The following ZRANB3 variants were observed in gnomAD, a reference collection of about 807,000 sequenced individuals.
ZRANB3 encodes the protein zinc finger RANBP2-type containing 3, also known as DNA annealing helicase and endonuclease ZRANB3.
A neutral mutation model predicts 133.8 loss-of-function variants in ZRANB3; 125 were observed. That is an observed-to-expected ratio of 0.93 (90% CI 0.81 to 1.08). The LOEUF is 1.08. Among genes scored for constraint, ZRANB3 ranks in the 50% least tolerant of loss-of-function variants. The probability of loss-of-function intolerance (pLI) is 0.00; values close to 1 mark genes in which losing one functional copy is unlikely to be tolerated. For missense variants in ZRANB3, 1,229 were observed against 1,275.5 expected (o/e 0.96, Z 0.56); for synonymous variants, 387 against 432.7 (o/e 0.89, Z 1.31).
At chr2:135,263,547 C>T (rs559493127) in intron 12 of ZRANB3, among the ~76,000 whole-genome samples, 8 of 152,212 alleles carry the variant, frequency 5.3e-5, no homozygotes, top group African/African-American at 1.2e-4. Flanking sequence ...GGAGTAAGTG[C>T]TCCTTAAAGA....
chr2:135,429,738 C>T (rs1431522541), intron 2 of ZRANB3, among the ~76,000 whole-genome samples: 1 of 151,934 alleles, frequency 6.6e-6, no homozygotes, highest in Non-Finnish European at 1.5e-5. Context: ...ATACGGGAAA[C>T]GGTAGAGAGA....
chr2:135,361,358 A>T (rs1685687167), intron 3 of ZRANB3, among the ~76,000 whole-genome samples: 1 of 152,218 alleles, frequency 6.6e-6, no homozygotes. Context: ...TAACCTCAAG[A>T]ACACATTTCA....
intron 19 of ZRANB3, among the ~76,000 whole-genome samples, chr2:135,207,199 A>AAAT (rs1693905739): frequency 6.6e-6 from 1 of 150,850 alleles, no homozygotes; most frequent in African/African-American, 2.4e-5. Flanking sequence ...AATAATAAAT[A>AAAT]AATAAATAAA....
intron 3 of ZRANB3, among the ~76,000 whole-genome samples, chr2:135,354,687 C>T (rs1350399646): frequency 1.3e-5 from 2 of 152,142 alleles, no homozygotes; most frequent in Non-Finnish European, 2.9e-5. Flanking sequence ...AATCTACATA[C>T]TCTATGATTC....
chr2:135,275,335 A>ACCTCCCTCCCAGATGGGGTGGCTGGCCG (rs1680754538), intron 9 of ZRANB3, among the ~76,000 whole-genome samples: 1 of 93,094 alleles, frequency 1.1e-5, no homozygotes, highest in African/African-American at 2.8e-5. Flanking sequence ...GTGGCTGGCC[A>ACCTCCCTCCCAGATGGGGTGGCTGGCCG]GGCGGGGGCT....
chr2:135,315,156 T>C (rs556178251), intron 7 of ZRANB3, among the ~76,000 whole-genome samples: 2 of 152,324 alleles, frequency 1.3e-5, no homozygotes, highest in South Asian at 2.1e-4. Context: ...TAGGTTACCA[T>C]ATCTTTTTAT....
chr2:135,376,328 T>C (rs1686427355), intron 3 of ZRANB3, among the ~76,000 whole-genome samples: 1 of 152,208 alleles, frequency 6.6e-6, no homozygotes, highest in Non-Finnish European at 1.5e-5. Flanking sequence ...ACTAGCACAC[T>C]ATATGATCTA....
At chr2:135,511,217 T>A (rs1693438236) in intron 1 of ZRANB3, 1 of 907,548 alleles carries the variant, frequency 1.1e-6, no homozygotes, top group African/African-American at 1.6e-5. Flanking sequence ...AGTCTTCCCA[T>A]ACTGTCTGAG....
intron 2 of ZRANB3, among the ~76,000 whole-genome samples, chr2:135,405,056 T>C (rs996853840): frequency 2.0e-5 from 3 of 152,184 alleles, no homozygotes; most frequent in Non-Finnish European, 4.4e-5. Context: ...CCCATCAGTG[T>C]GCTGTATTCA....
At chr2:135,431,170 T>C (rs1444216383) in intron 2 of ZRANB3, among the ~76,000 whole-genome samples, 1 of 151,124 alleles carries the variant, frequency 6.6e-6, no homozygotes, top group South Asian at 2.1e-4. Flanking sequence ...CACATACCTA[T>C]AATCCCAGCT....
At chr2:135,338,828 TAATA>T (rs1391012878) in intron 6 of ZRANB3, among the ~76,000 whole-genome samples, 14 of 152,264 alleles carry the variant, frequency 9.2e-5, no homozygotes, top group South Asian at 2.1e-4. Flanking sequence ...GTTGTGTATT[TAATA>T]AATATGTGAA....
In ZRANB3 at chr2:135,245,926, C is replaced by CAA. The variant is rs1177438717; in HGVS notation, c.1540-15001_1540-15000dup. Reference sequence around the variant, plus strand: ...GGGCAACGAGATTGAAACTCCGTCTCAAAAAAAAAAAAAAAAAAAAAAGAG... The same window carrying CAA: ...GGGCAACGAGATTGAAACTCCGTCTCAAAAAAAAAAAAAAAAAAAAAAAAGAG... On this transcript the variant is annotated intron_variant, in intron 12 of 20. Coordinates refer to ENST00000264159, the MANE Select transcript of ZRANB3 (RefSeq NM_032143.4). Among the ~76,000 whole-genome samples, 81 of 18,978 alleles carry CAA rather than the reference C, an allele frequency of 4.3e-3. 2 individuals carry two copies. Among genetic ancestry groups the CAA allele is most frequent in the Admixed American group, 5.8e-3 (6 of 1,034 alleles). The allele number at this position is 18,978 out of a possible 152,430, so 12.5% of individuals were successfully genotyped here.
At chr2:135,339,131 G>T (rs1377996230) in intron 6 of ZRANB3, among the ~76,000 whole-genome samples, 2 of 152,126 alleles carry the variant, frequency 1.3e-5, no homozygotes, top group African/African-American at 4.8e-5. Context: ...TTTTTTAATT[G>T]CCAGGTGTGG....
chr2:135,284,509 T>C (rs1037838860), intron 8 of ZRANB3, among the ~76,000 whole-genome samples: 9 of 152,230 alleles, frequency 5.9e-5, no homozygotes, highest in African/African-American at 2.2e-4. Flanking sequence ...TCTCGCTCTG[T>C]CGCCCAGGCT....
At chr2:135,203,612 CAAAAAAAAAAA>C (rs1051712787) in intron 19 of ZRANB3, among the ~76,000 whole-genome samples, 12 of 62,090 alleles carry the variant, frequency 1.9e-4, no homozygotes, top group African/African-American at 5.7e-4. Flanking sequence ...GACTCGGTCT[CAAAAAAAAAAA>C]AAAAAAAAAA....
intron 12 of ZRANB3, among the ~76,000 whole-genome samples, chr2:135,248,401 G>T (rs6430565): frequency 6.6e-6 from 1 of 152,006 alleles, no homozygotes; most frequent in East Asian, 1.9e-4. Context: ...CAACACCAAA[G>T]GCAGTCTTAA....
intron 12 of ZRANB3, among the ~76,000 whole-genome samples, chr2:135,244,107 C>CA (rs566334496): frequency 0.2 from 24,627 of 121,376 alleles, 2,808 homozygotes; most frequent in South Asian, 0.35. Flanking sequence ...ATTTCCCCAC[C>CA]AAAAAAAAAA....
chr2:135,444,441 G>A (rs915559042), intron 2 of ZRANB3, among the ~76,000 whole-genome samples: 5 of 151,880 alleles, frequency 3.3e-5, no homozygotes, highest in African/African-American at 1.2e-4. Context: ...CAATAAGAAG[G>A]AACAAACTAC....
intron 6 of ZRANB3, among the ~76,000 whole-genome samples, chr2:135,340,530 A>G (rs970774497): frequency 4.6e-5 from 7 of 152,140 alleles, no homozygotes; most frequent in South Asian, 4.1e-4. Context: ...TGAATATATT[A>G]TATCTACCTA....
Sources: gnomAD v4.1 joint callset for allele counts (sites outside exome capture counted in the v4.1 genomes callset) on GRCh38, gnomAD v4.1.1 for gene constraint, MANE v1.5 for transcripts, NCBI Gene and HGNC (gene_info 2026-07-23, HGNC 2026-07-21) for gene names.